The following SETBP1 variants were observed in gnomAD, a reference collection of about 807,000 sequenced individuals.
The protein encoded by SETBP1 is SET-binding protein.
A neutral mutation model predicts 101.0 loss-of-function variants in SETBP1; 9 were observed. The ratio of observed to expected loss-of-function variants is 0.09; its 90% CI spans 0.05 to 0.16. The LOEUF (loss-of-function observed/expected upper bound fraction) is 0.16. Ranked by LOEUF, SETBP1 falls within the 10% of genes least tolerant of loss-of-function variation. The pLI is 1.00. For missense variants in SETBP1, 1,858 were observed against 2,033.8 expected, an observed-to-expected ratio of 0.91 and a Z score of 1.66; for synonymous variants, 818 against 788.5, an observed-to-expected ratio of 1.04 and a Z score of -0.63.
intron 3 of SETBP1, among the ~76,000 whole-genome samples, chr18:44,926,174 C>T (rs1389724127): frequency 1.3e-5 from 2 of 152,070 alleles, no homozygotes; most frequent in Non-Finnish European, 2.9e-5. Flanking sequence ...TTCAAGTGAT[C>T]GCCCCACCTT....
intron 4 of SETBP1, among the ~76,000 whole-genome samples, chr18:45,020,479 G>T (rs1445228576): frequency 6.6e-6 from 1 of 151,948 alleles, no homozygotes; most frequent in Non-Finnish European, 1.5e-5. Flanking sequence ...TGAGATCTTT[G>T]TTATCTTCTA....
chr18:44,927,010 A>G (rs970477150), intron 3 of SETBP1, among the ~76,000 whole-genome samples: 4 of 152,146 alleles, frequency 2.6e-5, no homozygotes, highest in African/African-American at 7.2e-5. Flanking sequence ...CAGGGAAAGT[A>G]GGAGGGGTAG....
chr18:44,802,519 G>A lies in SETBP1; in HGVS notation c.487-66711G>A, dbSNP rs371202693. Among the ~76,000 whole-genome samples the A allele has an allele frequency of 1.6e-3, 250 of 152,242 alleles. 2 individuals carry two copies. Among genetic ancestry groups the A allele is most frequent in the South Asian group, 0.012 (59 of 4,830 alleles). On this transcript the variant is annotated intron_variant, in intron 2 of 5. Coordinates refer to ENST00000649279, the MANE Select transcript of SETBP1 (RefSeq NM_015559.3). The stretch of plus-strand genomic sequence containing the variant: ...AGTACCCCATTCATTCTTCAAGAAA[G>A]GAGTGTCTTCCTCTGAAAAATATTC...
intron 4 of SETBP1, among the ~76,000 whole-genome samples, chr18:45,016,732 CACACACA>C (rs2072950831): frequency 2.2e-5 from 1 of 45,754 alleles, no homozygotes; most frequent in African/African-American, 9.1e-5. Context: ...TTGGTGCGCG[CACACACA>C]CACACACACA....
At chr18:44,746,577 T>C (rs1002772621) in intron 2 of SETBP1, among the ~76,000 whole-genome samples, 4 of 152,208 alleles carry the variant, frequency 2.6e-5, no homozygotes, top group African/African-American at 9.7e-5. Flanking sequence ...GCGTCTGAGT[T>C]GGAATATCTC....
At chr18:44,713,602 T>C (rs2069393641) in intron 2 of SETBP1, among the ~76,000 whole-genome samples, 1 of 152,044 alleles carries the variant, frequency 6.6e-6, no homozygotes, top group African/African-American at 2.4e-5. Context: ...TATGCCAGGG[T>C]ATTGTAACCT....
Position 44,931,431 on chromosome 18 carries a change from G to T in SETBP1, c.541-18450G>T, listed in dbSNP as rs532826931. Among the ~76,000 whole-genome samples, 4 of 152,310 alleles carry T rather than the reference G, an allele frequency of 2.6e-5. No homozygotes were observed. The East Asian group carries it at 7.7e-4, about 29-fold the overall frequency. ...GTATATTCTGTTGATTTGGGGTGGAGACTTCTGTACATGTCTATTAGGTCC... is the reference window on the plus strand; with the variant it reads ...GTATATTCTGTTGATTTGGGGTGGATACTTCTGTACATGTCTATTAGGTCC... On this transcript the variant is annotated intron_variant, in intron 3 of 5. Transcript: ENST00000649279.
At chr18:44,681,621 T>C (rs1357269628) in intron 1 of SETBP1, among the ~76,000 whole-genome samples, 2 of 141,846 alleles carry the variant, frequency 1.4e-5, no homozygotes, top group African/African-American at 2.6e-5. Context: ...AATATTTTCA[T>C]TGGAGATTGA....
At chr18:44,792,849 A>G (rs1259468248) in intron 2 of SETBP1, among the ~76,000 whole-genome samples, 19 of 152,090 alleles carry the variant, frequency 1.2e-4, no homozygotes, top group Non-Finnish European at 7.3e-5. Flanking sequence ...CTGGTATAGC[A>G]TAATCTAGGA....
At chr18:44,904,195 T>A (rs1181674777) in intron 3 of SETBP1, among the ~76,000 whole-genome samples, 1 of 152,060 alleles carries the variant, frequency 6.6e-6, no homozygotes, top group Non-Finnish European at 1.5e-5. Context: ...AATGACACTA[T>A]CGCTTTTTCA....
At chr18:45,043,363 T>TCTCTCACACA (rs143126603) in intron 5 of SETBP1, among the ~76,000 whole-genome samples, 2 of 149,472 alleles carry the variant, frequency 1.3e-5, no homozygotes, top group African/African-American at 2.5e-5. Flanking sequence ...TCTCTCTCTC[T>TCTCTCACACA]CTCACACACT....
chr18:44,726,708 A>T (rs950785294), intron 2 of SETBP1, among the ~76,000 whole-genome samples: 5 of 152,236 alleles, frequency 3.3e-5, no homozygotes, highest in African/African-American at 1.2e-4. Flanking sequence ...TTTATTAAAT[A>T]TGTAAAGTAC....
At position 44,838,453 on chromosome 18, in the gene SETBP1, G is replaced by A. The variant is rs551626692; in HGVS notation, c.487-30777G>A. On this transcript the variant is annotated intron_variant, in intron 2 of 5. Transcript: ENST00000649279. ...ATTCATGACAGAATGGGAAGGAGCT[G>A]GGACACCATGAAGATGCTCTTTATC... Among the ~76,000 whole-genome samples, 4 of 152,264 alleles carry A rather than the reference G, an allele frequency of 2.6e-5. No individual in the cohort carries two copies. The South Asian group carries it at 6.2e-4, about 24-fold the overall frequency.
chr18:44,790,649 T>A (rs1027096757), intron 2 of SETBP1, among the ~76,000 whole-genome samples: 1 of 152,218 alleles, frequency 6.6e-6, no homozygotes, highest in African/African-American at 2.4e-5. Context: ...ATTGGCTGCA[T>A]GACAGAAATG....
Position 45,027,781 on chromosome 18 carries a change from A to T in SETBP1, c.4001-10704A>T, listed in dbSNP as rs938033007. Among the ~76,000 whole-genome samples, 15 of 152,190 alleles carry T rather than the reference A, an allele frequency of 9.9e-5. No individual in the cohort carries two copies. In the East Asian group the frequency reaches 2.7e-3, roughly 27 times the overall value. ...CCACAAACTTAGTGGCTTAAACAACATAAATGCATCATCTTTCAGTATTGG... is the reference window on the plus strand; with the variant it reads ...CCACAAACTTAGTGGCTTAAACAACTTAAATGCATCATCTTTCAGTATTGG... On this transcript the variant is annotated intron_variant, in intron 4 of 5. Coordinates refer to ENST00000649279, the MANE Select transcript of SETBP1 (RefSeq NM_015559.3).
intron 3 of SETBP1, chr18:44,871,665 TTC>T (rs1371465094): frequency 3.3e-5 from 5 of 152,236 alleles, no homozygotes; most frequent in African/African-American, 1.2e-4. Context: ...TGTCTCTGTC[TTC>T]TCTCTGCTTC....
chr18:45,013,646 G>A (rs1338335705), intron 4 of SETBP1, among the ~76,000 whole-genome samples: 1 of 152,106 alleles, frequency 6.6e-6, no homozygotes, highest in Non-Finnish European at 1.5e-5. Flanking sequence ...CACCATATTG[G>A]CCAGACTGGT....
chr18:44,842,964 TC>T lies in SETBP1; in HGVS notation c.487-26262del, dbSNP rs569323846. Reference sequence around the variant, plus strand: ...GAGCCATGGGGGGACTCCTGGGGCTTCCCCTTCATTCTATACACGAGGAAAG... The same window carrying T: ...GAGCCATGGGGGGACTCCTGGGGCTTCCCTTCATTCTATACACGAGGAAAG... On this transcript the variant is annotated intron_variant, in intron 2 of 5. Transcript: ENST00000649279. 4.4e-4 allele frequency among the ~76,000 whole-genome samples: 67 copies of T among 152,310 alleles called. No homozygotes were observed. The East Asian group carries it at 0.013, about 29-fold the overall frequency.
intron 2 of SETBP1, among the ~76,000 whole-genome samples, chr18:44,777,593 G>A (rs1035857867): frequency 6.6e-6 from 1 of 152,280 alleles, no homozygotes; most frequent in Middle Eastern, 3.4e-3. Flanking sequence ...CCCCTTCAGA[G>A]CAGACATCAC....
Sources: allele counts gnomAD v4.1 joint callset (sites outside exome capture counted in the v4.1 genomes callset), GRCh38; gene constraint gnomAD v4.1.1; transcripts MANE v1.5; gene names NCBI Gene and HGNC (gene_info 2026-07-23, HGNC 2026-07-21).